The following NR3C1 variants were observed in gnomAD, a reference collection of about 807,000 sequenced individuals.
NR3C1 encodes nuclear receptor subfamily 3 group C member 1.
NR3C1 carries 14 observed loss-of-function variants against 74.0 expected under a neutral mutation model. The observed-to-expected ratio is 0.19, with a 90% CI of 0.12 to 0.30. The LOEUF (loss-of-function observed/expected upper bound fraction) is 0.30. NR3C1 is among the 10% of genes least tolerant of loss of function. The probability of loss-of-function intolerance (pLI) is 1.00; values close to 1 mark genes in which losing one functional copy is unlikely to be tolerated. For missense variants in NR3C1, 695 were observed against 909.8 expected, an observed-to-expected ratio of 0.76 and a Z score of 3.04; for synonymous variants, 308 against 332.5, an observed-to-expected ratio of 0.93 and a Z score of 0.80.
At chr5:143,414,721 T>A (rs1841423863) in intron 1 of NR3C1, among the ~76,000 whole-genome samples, 1 of 152,212 alleles carries the variant, frequency 6.6e-6, no homozygotes, top group South Asian at 2.1e-4. Context: ...CAGTTCAAGT[T>A]CTTTCTGGAA....
chr5:143,434,886 G>A (rs1371046583), exon 1 of NR3C1: 1 of 985,242 alleles, frequency 1.0e-6, no homozygotes, highest in Non-Finnish European at 1.2e-6. Flanking sequence ...AGCTACCAAC[G>A]ATGAGCACAA....
At chr5:143,327,876 G>A (rs1430784854) in intron 2 of NR3C1, among the ~76,000 whole-genome samples, 6 of 152,244 alleles carry the variant, frequency 3.9e-5, no homozygotes, top group African/African-American at 7.2e-5. Flanking sequence ...TTTTCCAGAC[G>A]TATACTGCAA....
intron 2 of NR3C1, among the ~76,000 whole-genome samples, chr5:143,330,923 A>G (rs1825815300): frequency 6.6e-6 from 1 of 152,208 alleles, no homozygotes; most frequent in African/African-American, 2.4e-5. Flanking sequence ...CAAAATACCA[A>G]TGACATTCAT....
intron 2 of NR3C1, among the ~76,000 whole-genome samples, chr5:143,319,264 G>A (rs939027129): frequency 1.3e-5 from 2 of 152,042 alleles, no homozygotes; most frequent in African/African-American, 2.4e-5. Context: ...ATACAGTATC[G>A]CTTACTAAAT....
Position 143,317,572 on chromosome 5 carries a change from G to A in NR3C1, c.1185-3404C>T, listed in dbSNP as rs73797547. Among the ~76,000 whole-genome samples, 195 of 152,262 alleles carry A rather than the reference G, an allele frequency of 1.3e-3. 1 individual carries two copies. Among genetic ancestry groups the A allele is most frequent in the African/African-American group, 4.4e-3 (182 of 41,556 alleles). On this transcript the variant is annotated intron_variant, in intron 2 of 8. Transcript: ENST00000394464. ...GTGGTTCCCAATCAGAATGGCAAAT[G>A]TAGTAGAAACCGAATAATTCCTGAG...
At chr5:143,313,186 T>A (rs1002301589) in intron 3 of NR3C1, among the ~76,000 whole-genome samples, 4 of 152,168 alleles carry the variant, frequency 2.6e-5, no homozygotes, top group Non-Finnish European at 5.9e-5. Flanking sequence ...TATATGACAA[T>A]TTTTTTCCTA....
intron 1 of NR3C1, chr5:143,401,524 T>G (rs1840279562): frequency 6.5e-6 from 1 of 153,988 alleles, no homozygotes; most frequent in Non-Finnish European, 1.4e-5. Context: ...CTCCAAATTT[T>G]GGATATATGA....
intron 2 of NR3C1, among the ~76,000 whole-genome samples, chr5:143,353,646 G>A (rs1830605640): frequency 6.6e-6 from 1 of 152,132 alleles, no homozygotes; most frequent in Non-Finnish European, 1.5e-5. Flanking sequence ...ATTTTTTTCT[G>A]AGCAGTTGAA....
chr5:143,370,891 A>G (rs748543264), intron 2 of NR3C1, among the ~76,000 whole-genome samples: 1 of 152,236 alleles, frequency 6.6e-6, no homozygotes, highest in Non-Finnish European at 1.5e-5. Flanking sequence ...CGCATCTGAG[A>G]GTGATGGCAA....
intron 7 of NR3C1, among the ~76,000 whole-genome samples, chr5:143,289,740 G>A (rs1181786952): frequency 6.6e-6 from 1 of 152,110 alleles, no homozygotes; most frequent in African/African-American, 2.4e-5. Flanking sequence ...AATATAGGTG[G>A]CCAATAAGCC....
rs374775233 is a variant in NR3C1 at position 143,318,897 on chromosome 5, C to T, written c.1185-4729G>A. Among the ~76,000 whole-genome samples, 3 of 152,220 alleles carry T rather than the reference C, an allele frequency of 2.0e-5. No homozygotes were observed. In the South Asian group the frequency reaches 6.2e-4, roughly 32 times the overall value. ...TTTAATGTAATTAATAATTTTTTTGCTTCTTCAAAGATTTTAAGTGCATGA... is the reference window on the plus strand; with the variant it reads ...TTTAATGTAATTAATAATTTTTTTGTTTCTTCAAAGATTTTAAGTGCATGA... On this transcript the variant is annotated intron_variant, in intron 2 of 8. Coordinates refer to ENST00000394464, the MANE Select transcript of NR3C1 (RefSeq NM_000176.3).
At chr5:143,354,956 A>C (rs1445653590) in intron 2 of NR3C1, among the ~76,000 whole-genome samples, 1 of 151,406 alleles carries the variant, frequency 6.6e-6, no homozygotes, top group East Asian at 1.9e-4. Flanking sequence ...ATCAAAGATC[A>C]CTGATCACTG....
At chr5:143,332,415 G>A (rs1349740192) in intron 2 of NR3C1, among the ~76,000 whole-genome samples, 1 of 151,060 alleles carries the variant, frequency 6.6e-6, no homozygotes, top group Admixed American at 6.6e-5. Context: ...CGTTGGGTGG[G>A]GGGGCGGGAC....
At chr5:143,434,223 T>C (rs1752011503) in intron 1 of NR3C1, among the ~76,000 whole-genome samples, 1 of 152,202 alleles carries the variant, frequency 6.6e-6, no homozygotes, top group Admixed American at 6.5e-5. Context: ...CGTTGTCTCG[T>C]TCTCCTTTCT....
chr5:143,352,652 T>C (rs896238616), intron 2 of NR3C1, among the ~76,000 whole-genome samples: 5 of 152,224 alleles, frequency 3.3e-5, no homozygotes, highest in Admixed American at 3.3e-4. Context: ...CCACTACATA[T>C]AAAAGTTATA....
At chr5:143,376,254 C>G (rs1174358060) in intron 2 of NR3C1, among the ~76,000 whole-genome samples, 2 of 152,218 alleles carry the variant, frequency 1.3e-5, no homozygotes, top group Non-Finnish European at 2.9e-5. Flanking sequence ...TGGACCATAG[C>G]TTTTTGCTGT....
chr5:143,357,685 G>A (rs1354384169), intron 2 of NR3C1, among the ~76,000 whole-genome samples: 1 of 152,130 alleles, frequency 6.6e-6, no homozygotes, highest in Non-Finnish European at 1.5e-5. Context: ...GTTGTGCAAG[G>A]TAGTATCTCC....
At position 143,300,690 on chromosome 5, in the gene NR3C1, A is replaced by G; in HGVS notation, c.1542T>C (p.Asn514=). 6.2e-7 allele frequency: 1 copy of G among 1,614,084 alleles called. No homozygotes were observed. Among genetic ancestry groups the G allele is most frequent in the Non-Finnish European group, 8.5e-7 (1 of 1,179,992 alleles). The change falls in exon 5 of 9, where the codon AAT becomes AAC. Residue 514 remains asparagine, a synonymous_variant. Coordinates refer to ENST00000394464, the MANE Select transcript of NR3C1 (RefSeq NM_000176.3). The surrounding 1 kb of genome is among the most constrained non-coding windows in gnomAD (Gnocchi z 5.2). The part of the protein sequence containing the change: ...TTGVSQETSE[N]PGNKTIVPAT... The stretch of plus-strand genomic sequence containing the variant: ...CAGGAACTATTGTTTTGTTACCAGG[A>G]TTTTCAGAGGTTTCTTGTGAGACTC...
intron 3 of NR3C1, among the ~76,000 whole-genome samples, chr5:143,312,972 T>C (rs1168666497): frequency 6.6e-6 from 1 of 152,216 alleles, no homozygotes; most frequent in East Asian, 1.9e-4. Flanking sequence ...TGTGGTGTAA[T>C]ATGAGTAATT....
Sources: allele counts gnomAD v4.1 joint callset (sites outside exome capture counted in the v4.1 genomes callset), GRCh38; gene constraint gnomAD v4.1.1; non-coding constraint Gnocchi (gnomAD v3.1); transcripts MANE v1.5; gene names NCBI Gene and HGNC (gene_info 2026-07-23, HGNC 2026-07-21).